The following ITFG1 variants were observed in gnomAD, a reference collection of about 807,000 sequenced individuals.
The protein encoded by ITFG1 is integrin alpha FG-GAP repeat containing 1.
In ITFG1, 34 loss-of-function variants were observed where a neutral mutation model predicts 81.8. The ratio of observed to expected loss-of-function variants is 0.42; its 90% CI spans 0.32 to 0.55. The LOEUF (loss-of-function observed/expected upper bound fraction) is 0.55, where lower values mean the gene tolerates loss of function less well. ITFG1 is among the 20% of genes least tolerant of loss of function. ITFG1 has a pLI of 0.17. For missense variants in ITFG1, 672 were observed against 755.4 expected, an observed-to-expected ratio of 0.89 and a Z score of 1.29; for synonymous variants, 285 against 270.6, an observed-to-expected ratio of 1.05 and a Z score of -0.52.
intron 14 of ITFG1, among the ~76,000 whole-genome samples, chr16:47,174,541 TAG>T (rs1407703372): frequency 6.6e-6 from 1 of 152,120 alleles, no homozygotes; most frequent in Non-Finnish European, 1.5e-5. Flanking sequence ...TTTTTTTAGA[TAG>T]AGTCTTGCTC....
At chr16:47,341,837 C>T (rs1484247164) in intron 8 of ITFG1, among the ~76,000 whole-genome samples, 2 of 152,044 alleles carry the variant, frequency 1.3e-5, no homozygotes, top group African/African-American at 4.8e-5. Context: ...TGAACAAGTT[C>T]CTAAAAATAC....
chr16:47,317,100 C>A (rs943545193), intron 8 of ITFG1, among the ~76,000 whole-genome samples: 1 of 152,126 alleles, frequency 6.6e-6, no homozygotes, highest in Non-Finnish European at 1.5e-5. Context: ...AAAAATCAGC[C>A]TTTTTCAGGA....
At chr16:47,246,260 A>T (rs1005281319) in intron 12 of ITFG1, among the ~76,000 whole-genome samples, 2 of 152,254 alleles carry the variant, frequency 1.3e-5, no homozygotes, top group Non-Finnish European at 2.9e-5. Context: ...ATCACATGAT[A>T]AGACTTAAAT....
At chr16:47,164,307 G>C (rs1218023400) in intron 14 of ITFG1, among the ~76,000 whole-genome samples, 1 of 151,644 alleles carries the variant, frequency 6.6e-6, no homozygotes, top group Non-Finnish European at 1.5e-5. Flanking sequence ...TGGCATACCT[G>C]GGTCAGTATT....
At chr16:47,317,576 GA>G (rs1967380514) in intron 8 of ITFG1, 1 of 152,172 alleles carries the variant, frequency 6.6e-6, no homozygotes, top group South Asian at 2.1e-4. Flanking sequence ...AATCGGCTGG[GA>G]AGTTGTTGGA....
At chr16:47,185,876 G>A (rs981670416) in intron 14 of ITFG1, among the ~76,000 whole-genome samples, 1 of 152,062 alleles carries the variant, frequency 6.6e-6, no homozygotes, top group Non-Finnish European at 1.5e-5. Flanking sequence ...GACTAATAAA[G>A]AAGAAAAGAG....
intron 5 of ITFG1, among the ~76,000 whole-genome samples, chr16:47,431,465 C>A (rs776190531): frequency 3.9e-5 from 6 of 152,292 alleles, no homozygotes; most frequent in Non-Finnish European, 8.8e-5. Flanking sequence ...GAAACCACCC[C>A]CACCACCTGG....
At chr16:47,351,610 C>A (rs896089314) in intron 8 of ITFG1, among the ~76,000 whole-genome samples, 1 of 152,148 alleles carries the variant, frequency 6.6e-6, no homozygotes, top group African/African-American at 2.4e-5. Context: ...TAGGAAGAAT[C>A]AATATCGTGA....
intron 10 of ITFG1, among the ~76,000 whole-genome samples, chr16:47,307,818 C>G (rs533754152): frequency 1.3e-5 from 2 of 152,196 alleles, no homozygotes; most frequent in African/African-American, 4.8e-5. Context: ...TCTAGTAGTT[C>G]CCAGTGTCTA....
intron 5 of ITFG1, among the ~76,000 whole-genome samples, chr16:47,433,975 T>C (rs952726008): frequency 6.8e-6 from 1 of 147,148 alleles, no homozygotes; most frequent in Non-Finnish European, 1.5e-5. Context: ...CCTTCTACCG[T>C]TGAAGTTGCT....
At chr16:47,404,652 T>C (rs1454561132) in intron 6 of ITFG1, among the ~76,000 whole-genome samples, 1 of 152,202 alleles carries the variant, frequency 6.6e-6, no homozygotes, top group Non-Finnish European at 1.5e-5. Flanking sequence ...CACATGCACA[T>C]ATACATAGTA....
At chr16:47,406,458 T>A (rs1030703038) in intron 6 of ITFG1, among the ~76,000 whole-genome samples, 1 of 152,212 alleles carries the variant, frequency 6.6e-6, no homozygotes, top group African/African-American at 2.4e-5. Context: ...TTGTTAAATC[T>A]TTAGCTGAAA....
At chr16:47,219,579 C>T (rs1225297243) in intron 13 of ITFG1, among the ~76,000 whole-genome samples, 1 of 152,064 alleles carries the variant, frequency 6.6e-6, no homozygotes, top group Non-Finnish European at 1.5e-5. Context: ...CATAAAGAAA[C>T]CAAAGATTGC....
chr16:47,359,249 T>G (rs1968079096), intron 8 of ITFG1, among the ~76,000 whole-genome samples: 1 of 152,080 alleles, frequency 6.6e-6, no homozygotes, highest in Non-Finnish European at 1.5e-5. Context: ...CATGCTAATA[T>G]CCAACTCTGT....
intron 14 of ITFG1, among the ~76,000 whole-genome samples, chr16:47,168,545 GTTTTTTTTTTT>G (rs758632507): frequency 1.7e-5 from 2 of 117,680 alleles, no homozygotes; most frequent in African/African-American, 3.3e-5. Flanking sequence ...CTAATTAAAA[GTTTTTTTTTTT>G]TTTTTTTTTT....
rs866062559 is a variant in ITFG1, at chr16:47,365,845, T to C, written c.745A>G (p.Ile249Val). The change falls in exon 8 of 18, where the codon ATA becomes GTA. Residue 249 changes from isoleucine to valine, a missense_variant. Physicochemically the swap from Ile to Val is conservative, Grantham distance 29. This residue lies in a region of ITFG1 where 560 missense variants were observed against 625.7 expected (regional missense o/e 0.90). Transcript: ENST00000320640. ...NLDGNFSVST[I>V]LEKPQNMMVV... ...ATCATATTTTGAGGTTTTTCCAATA[T>C]AGTACTGACAGAGAAGTTTCCATCC... is the stretch of plus-strand genomic sequence containing the variant. 12 of 1,598,496 alleles carry C rather than the reference T, an allele frequency of 7.5e-6. No individual in the cohort carries two copies. The East Asian group carries it at 1.1e-4, about 15-fold the overall frequency.
intron 6 of ITFG1, among the ~76,000 whole-genome samples, chr16:47,399,943 T>G (rs1030407785): frequency 6.6e-6 from 1 of 152,210 alleles, no homozygotes; most frequent in African/African-American, 2.4e-5. Flanking sequence ...TAGATCAGAA[T>G]GGAAGGAAAT....
intron 8 of ITFG1, among the ~76,000 whole-genome samples, chr16:47,350,743 C>T (rs922467478): frequency 4.6e-5 from 7 of 152,128 alleles, no homozygotes; most frequent in South Asian, 4.1e-4. Context: ...ACACCAAAGC[C>T]GGGCAGAGCC....
intron 8 of ITFG1, among the ~76,000 whole-genome samples, chr16:47,323,487 A>T (rs1847806411): frequency 6.6e-6 from 1 of 151,986 alleles, no homozygotes; most frequent in African/African-American, 2.4e-5. Context: ...CTATTATCAG[A>T]TGTGGCTGCT....
Sources: allele counts gnomAD v4.1 joint callset (sites outside exome capture counted in the v4.1 genomes callset), GRCh38; gene constraint gnomAD v4.1.1; regional missense constraint gnomAD v4.1.1; transcripts MANE v1.5; gene names NCBI Gene and HGNC (gene_info 2026-07-23, HGNC 2026-07-21).